Variants in SOD2 observed in about 807,000 individuals in gnomAD.
SOD2 encodes the protein superoxide dismutase [Mn], mitochondrial.
In SOD2, 11 loss-of-function variants were observed where a neutral mutation model predicts 27.0. The ratio of observed to expected loss-of-function variants is 0.41; its 90% CI spans 0.26 to 0.67. SOD2 has a LOEUF of 0.67. Ranked by LOEUF, SOD2 falls within the 30% of genes least tolerant of loss-of-function variation. The pLI, the probability that SOD2 is intolerant of heterozygous loss-of-function variation, is 0.34. For synonymous variants in SOD2, 105 were observed against 103.0 expected, an observed-to-expected ratio of 1.02 and a Z score of -0.12; for missense variants, 250 against 274.5, an observed-to-expected ratio of 0.91 and a Z score of 0.63.
At chr6:159,726,790 G>A (rs768679457) in intron 1 of SOD2, 16 of 1,289,084 alleles carry the variant, frequency 1.2e-5, no homozygotes, top group Non-Finnish European at 1.6e-5. Flanking sequence ...CCAGCGGCCA[G>A]GAGACTGCGC....
At chr6:159,751,689 G>T (rs1046972523) in intron 1 of SOD2, among the ~76,000 whole-genome samples, 1 of 152,214 alleles carries the variant, frequency 6.6e-6, no homozygotes, top group Non-Finnish European at 1.5e-5. Context: ...CCTCTGAGCA[G>T]TAGTAACCCA....
Position 159,670,553 on chromosome 6 carries a change from A to G in SOD2, c.*11940T>C, listed in dbSNP as rs13219352. The stretch of plus-strand genomic sequence containing the variant: ...GATTTAATAATATCAATATCCATTT[A>G]TCCTCTATAATCATAGTCAATACAC... On this transcript the variant is annotated 3_prime_UTR_variant, in exon 5 of 5. Transcript: ENST00000538183. 5,722 of 152,362 alleles carry G rather than the reference A, an allele frequency of 0.038. 124 individuals carry two copies. The highest frequency in any genetic ancestry group is 0.055 in the Non-Finnish European group (3,768 of 68,056). The allele number at this position is 152,362 out of a possible 1,614,324, so 9.4% of individuals were successfully genotyped here. A position where few individuals can be genotyped will look rare whatever the true frequency, so the allele number is the denominator to read the frequency against.
In SOD2 at chr6:159,732,886, A is replaced by ATAGTGTGTGT. The variant is rs146623701; in HGVS notation, c.-116+12243_-116+12244insACACACACTA. ...TCTCTCTCTCTCTGTATATATATAT[A>ATAGTGTGTGT]GTGTGTGTGTGTGTGTGTGTGTGTG... On this transcript the variant is annotated intron_variant, in intron 1 of 3. Transcript: ENST00000537657. Among the ~76,000 whole-genome samples, 471 of 146,476 alleles carry ATAGTGTGTGT rather than the reference A, an allele frequency of 3.2e-3. 6 individuals carry two copies. The highest frequency in any genetic ancestry group is 0.011 in the African/African-American group (441 of 38,388).
At chr6:159,747,610 G>A (rs530374351), upstream of SOD2, among the ~76,000 whole-genome samples, 1 of 152,162 alleles carries the variant, frequency 6.6e-6, no homozygotes, top group Non-Finnish European at 1.5e-5. Flanking sequence ...TGTATTTTAA[G>A]TTATAATCTT....
In SOD2 at chr6:159,682,149, C is replaced by A. The variant is rs2114762098; in HGVS notation, c.*344G>T. The A allele has an allele frequency of 6.2e-6, 1 of 161,546 alleles. No individual in the cohort carries two copies. Among genetic ancestry groups the A allele is most frequent in the African/African-American group, 2.4e-5 (1 of 41,998 alleles). The allele number at this position is 161,546 out of a possible 1,614,324, so 10.0% of individuals were successfully genotyped here. A position where few individuals can be genotyped will look rare whatever the true frequency, so the allele number is the denominator to read the frequency against. On this transcript the variant is annotated 3_prime_UTR_variant, in exon 5 of 5. Coordinates refer to ENST00000538183, the MANE Select transcript of SOD2 (RefSeq NM_000636.4). ...TAACTGGGGCAAAAGACTAGATTTT[C>A]TATAACTGCAATAGAATAGGACTAG... is the stretch of plus-strand genomic sequence containing the variant.
chr6:159,673,846 G>A lies in SOD2; in HGVS notation c.*8647C>T, dbSNP rs1008911067. On this transcript the variant is annotated 3_prime_UTR_variant, in exon 5 of 5. Transcript: ENST00000538183. The stretch of plus-strand genomic sequence containing the variant: ...AAAAGATAAACACAATTGATAGACC[G>A]CTAGCAAGACTAATAAACAAGAAAA... The A allele has an allele frequency of 5.3e-5, 8 of 152,124 alleles. No individual in the cohort carries two copies. Among genetic ancestry groups the A allele is most frequent in the African/African-American group, 1.2e-4 (5 of 41,506 alleles). The allele number at this position is 152,124 out of a possible 1,614,324, so 9.4% of individuals were successfully genotyped here.
At chr6:159,708,680 A>AAT (rs1275456492) in intron 1 of SOD2, among the ~76,000 whole-genome samples, 4 of 152,198 alleles carry the variant, frequency 2.6e-5, no homozygotes, top group Non-Finnish European at 5.9e-5. Flanking sequence ...ATATCGTGAA[A>AAT]ATGGCTATAC....
chr6:159,688,752 CT>C (rs1780311250), intron 2 of SOD2, among the ~76,000 whole-genome samples: 1 of 152,166 alleles, frequency 6.6e-6, no homozygotes, highest in African/African-American at 2.4e-5. Flanking sequence ...AGCTCTGTCC[CT>C]CAGGACATCC....
chr6:159,702,654 C>CAAAAAAAAAAAAAAAA (rs750073120), intron 1 of SOD2, among the ~76,000 whole-genome samples: 10 of 39,750 alleles, frequency 2.5e-4, no homozygotes, highest in East Asian at 1.7e-3. Context: ...TCTATCTCTC[C>CAAAAAAAAAAAAAAAA]AAAAAAAAAA....
Position 159,756,594 on chromosome 6 carries a change from C to CTTTTTTTTTT in SOD2, c.-336+4433_-336+4442dup, listed in dbSNP as rs3066261. 6.8e-4 allele frequency among the ~76,000 whole-genome samples: 64 copies of CTTTTTTTTTT among 94,368 alleles called. 1 individual carries two copies. The highest frequency in any genetic ancestry group is 1.0e-3 in the Non-Finnish European group (49 of 49,198). 61.9% of individuals were successfully genotyped at this position (94,368 alleles called of 152,430 possible). A position where few individuals can be genotyped will look rare whatever the true frequency, so the allele number is the denominator to read the frequency against. The stretch of plus-strand genomic sequence containing the variant: ...AGAAAATAGTCATCTATTTCTTAGG[C>CTTTTTTTTTT]TTTTTTTTTTTTTTTTTTTTTAATT... On this transcript the variant is annotated intron_variant, in intron 1 of 7. Coordinates refer to the SOD2 transcript ENST00000546087.
Position 159,678,796 on chromosome 6 carries a change from A to G in SOD2, c.*3697T>C, listed in dbSNP as rs1779836009. On this transcript the variant is annotated 3_prime_UTR_variant, in exon 5 of 5. Transcript: ENST00000538183. ...CTGAGCCCTCCACCTGTGGGATCTG[A>G]CTCCAATTCCAGGTAGACAGTGTCA... 1 of 152,112 alleles carries G rather than the reference A, an allele frequency of 6.6e-6. No individual in the cohort carries two copies. Among genetic ancestry groups the G allele is most frequent in the Admixed American group, 6.5e-5 (1 of 15,272 alleles). 9.4% of individuals were successfully genotyped at this position (152,112 alleles called of 1,614,324 possible).
At chr6:159,716,239 G>A (rs1777919599) in intron 1 of SOD2, among the ~76,000 whole-genome samples, 3 of 152,170 alleles carry the variant, frequency 2.0e-5, no homozygotes, top group Admixed American at 6.5e-5. Context: ...GGACATATCT[G>A]TTTTACCTAA....
In SOD2 at chr6:159,673,762, G is replaced by A. The variant is rs556012561; in HGVS notation, c.*8731C>T. The A allele has an allele frequency of 3.9e-5, 6 of 152,198 alleles. No homozygotes were observed. In the South Asian group the frequency reaches 1.2e-3, roughly 32 times the overall value. The allele number at this position is 152,198 out of a possible 1,614,324, so 9.4% of individuals were successfully genotyped here. On this transcript the variant is annotated 3_prime_UTR_variant, in exon 5 of 5. Transcript: ENST00000538183. ...TAACTAAGATCAGAGCAGAACTGAA[G>A]GAGACAGAGACACAAAAAAACCTTC... is the stretch of plus-strand genomic sequence containing the variant.
At chr6:159,703,016 TA>T (rs201391357) in intron 1 of SOD2, among the ~76,000 whole-genome samples, 2 of 150,682 alleles carry the variant, frequency 1.3e-5, no homozygotes, top group East Asian at 3.9e-4. Context: ...ACCTCATCTT[TA>T]AAAAAAATGG....
chr6:159,739,507 C>T lies in SOD2; in HGVS notation c.-116+5623G>A, dbSNP rs78312047. On this transcript the variant is annotated intron_variant, in intron 1 of 3. Transcript: ENST00000537657. ...GGTGACTTCCAGTTCTGAATTTCTG[C>T]GGTTATCTTGTAAATGTCTTACAAA... Among the ~76,000 whole-genome samples, 1,163 of 152,182 alleles carry T rather than the reference C, an allele frequency of 7.6e-3. 9 individuals are homozygous for T. The highest frequency in any genetic ancestry group is 0.025 in the East Asian group (129 of 5,186).
chr6:159,669,820 C>T lies in SOD2; in HGVS notation c.*12673G>A, dbSNP rs555340896. On this transcript the variant is annotated 3_prime_UTR_variant, in exon 5 of 5. Transcript: ENST00000538183. ...TTGTATGCAATATCTTTCTCCATAC[C>T]TTCACTTTTGGCCTGTCTTTACAGG... 2 of 152,168 alleles carry T rather than the reference C, an allele frequency of 1.3e-5. No homozygotes were observed. The highest frequency in any genetic ancestry group is 4.1e-4 in the South Asian group (2 of 4,828). 9.4% of individuals were successfully genotyped at this position (152,168 alleles called of 1,614,324 possible). A position where few individuals can be genotyped will look rare whatever the true frequency, so the allele number is the denominator to read the frequency against.
upstream of SOD2, among the ~76,000 whole-genome samples, chr6:159,747,728 T>C (rs1044086460): frequency 1.3e-5 from 2 of 152,206 alleles, no homozygotes; most frequent in Non-Finnish European, 2.9e-5. Flanking sequence ...TTTTAAACTT[T>C]GCTTTTTTCC....
At chr6:159,719,816 CGG>C (rs1777996461) in intron 1 of SOD2, among the ~76,000 whole-genome samples, 1 of 151,076 alleles carries the variant, frequency 6.6e-6, no homozygotes, top group African/African-American at 2.4e-5. Context: ...CTCCACCTCC[CGG>C]GTTCAAGAGA....
chr6:159,727,367 G>A, upstream of SOD2: 2 of 908,226 alleles, frequency 2.2e-6, no homozygotes, highest in Non-Finnish European at 2.9e-6. Flanking sequence ...TGGCGGAGCG[G>A]GGAGGCTGGC....
Sources: gnomAD v4.1 joint callset for allele counts (sites outside exome capture counted in the v4.1 genomes callset) on GRCh38, gnomAD v4.1.1 for gene constraint, MANE v1.5 for transcripts, NCBI Gene and HGNC (gene_info 2026-07-23, HGNC 2026-07-21) for gene names.